The following NFIB variants were observed in gnomAD, a reference collection of about 807,000 sequenced individuals.
NFIB encodes the protein nuclear factor I B, also known as nuclear factor 1 B-type.
NFIB carries 11 observed loss-of-function variants against 61.5 expected under a neutral mutation model. That is an observed-to-expected ratio of 0.18 (90% confidence interval 0.11 to 0.30). NFIB has a LOEUF of 0.30. Ranked by LOEUF, NFIB falls within the 10% of genes least tolerant of loss-of-function variation. The pLI, the probability that NFIB is intolerant of heterozygous loss-of-function variation, is 1.00. For missense variants in NFIB, 471 were observed against 608.9 expected, an observed-to-expected ratio of 0.77 and a Z score of 2.38; for synonymous variants, 260 against 216.5, an observed-to-expected ratio of 1.20 and a Z score of -1.76.
the NFIB span, among the ~76,000 whole-genome samples, chr9:14,472,122 T>A: frequency 6.6e-6 from 1 of 152,208 alleles, no homozygotes; most frequent in Non-Finnish European, 1.5e-5. Context: ...TACCTGTAGA[T>A]CATCAGGTTG....
chr9:14,386,608 AG>A (rs2133017682), intron 1 of NFIB, among the ~76,000 whole-genome samples: 1 of 50,742 alleles, frequency 2.0e-5, no homozygotes, highest in African/African-American at 7.5e-5. Flanking sequence ...AGAGCCTCTT[AG>A]GGGACAAAAT....
At chr9:14,330,840 C>T (rs1360519995) in intron 1 of NFIB, among the ~76,000 whole-genome samples, 2 of 152,112 alleles carry the variant, frequency 1.3e-5, no homozygotes, top group Admixed American at 6.5e-5. Context: ...AATCAGGCTC[C>T]AGGCTCATTC....
Position 14,120,545 on chromosome 9 carries a change from G to A in NFIB, c.1140C>T (p.Ser380=). Residue 380 remains serine (S), a synonymous_variant, in exon 8 of 11, where the codon AGC becomes AGT. Transcript: ENST00000380953. This position sits in a 1 kb window ranked among gnomAD's most constrained non-coding sequence, Gnocchi z 4.4. ...TQAILPPAPS[S]YFSHPTIRYP... ...ATCTGATTGTTGGATGAGAAAAGTA[G>A]CTCGATGGGGCTGGAGGAAGGATAG... is the stretch of plus-strand genomic sequence containing the variant. The A allele has an allele frequency of 3.1e-6, 5 of 1,614,092 alleles. No individual in the cohort carries two copies. Among genetic ancestry groups the A allele is most frequent in the Non-Finnish European group, 4.2e-6 (5 of 1,179,996 alleles).
intron 3 of NFIB, among the ~76,000 whole-genome samples, chr9:14,163,754 A>G (rs903452372): frequency 1.3e-5 from 2 of 152,008 alleles, no homozygotes; most frequent in African/African-American, 4.8e-5. Context: ...TACAAATTAT[A>G]TTTTACTGAT....
chr9:14,268,785 A>T (rs111634244), intron 2 of NFIB, among the ~76,000 whole-genome samples: 2 of 152,352 alleles, frequency 1.3e-5, no homozygotes, highest in African/African-American at 4.8e-5. Context: ...ATTGGTCTTC[A>T]TATTTCTCTA....
At chr9:14,302,297 T>G (rs1421317727) in intron 2 of NFIB, among the ~76,000 whole-genome samples, 3 of 152,206 alleles carry the variant, frequency 2.0e-5, no homozygotes, top group Non-Finnish European at 2.9e-5. Flanking sequence ...TTCTTAGCAT[T>G]TGCTTCCTCA....
At chr9:14,297,025 C>G (rs1355921500) in intron 2 of NFIB, among the ~76,000 whole-genome samples, 1 of 152,228 alleles carries the variant, frequency 6.6e-6, no homozygotes, top group Non-Finnish European at 1.5e-5. Flanking sequence ...CATGCGCACA[C>G]CCCCTGCTCC....
the NFIB span, among the ~76,000 whole-genome samples, chr9:14,520,117 C>T: frequency 6.6e-6 from 1 of 151,814 alleles, no homozygotes; most frequent in Non-Finnish European, 1.5e-5. Flanking sequence ...TTATCTTACA[C>T]TGCACCTAAG....
chr9:14,287,038 G>C (rs2058750926), intron 2 of NFIB, among the ~76,000 whole-genome samples: 1 of 152,144 alleles, frequency 6.6e-6, no homozygotes. Flanking sequence ...TGCCTGAGGA[G>C]ATGGGGAAGT....
intron 3 of NFIB, among the ~76,000 whole-genome samples, chr9:14,156,245 A>G (rs2043388190): frequency 6.6e-6 from 1 of 152,160 alleles, no homozygotes; most frequent in African/African-American, 2.4e-5. Flanking sequence ...GAAAAATGAA[A>G]GAAAGAAAAA....
the NFIB span, among the ~76,000 whole-genome samples, chr9:14,441,205 T>G: frequency 6.8e-6 from 1 of 147,310 alleles, no homozygotes; most frequent in Admixed American, 6.7e-5. Context: ...TAATTGAATG[T>G]AGGATAAACT....
intron 2 of NFIB, among the ~76,000 whole-genome samples, chr9:14,280,135 G>C (rs944565594): frequency 6.6e-6 from 1 of 152,164 alleles, no homozygotes; most frequent in Non-Finnish European, 1.5e-5. Context: ...TGCTAAGGAG[G>C]TTAGTCCTAT....
intron 1 of NFIB, among the ~76,000 whole-genome samples, chr9:14,337,374 G>A (rs1366048624): frequency 1.3e-5 from 2 of 152,124 alleles, no homozygotes; most frequent in Non-Finnish European, 2.9e-5. Flanking sequence ...TCAAAAACAG[G>A]CATACAAAAG....
At chr9:14,476,964 T>G in the NFIB span, among the ~76,000 whole-genome samples, 2 of 152,232 alleles carry the variant, frequency 1.3e-5, no homozygotes, top group Non-Finnish European at 2.9e-5. Context: ...AGCTACTTCT[T>G]ATTATATAAA....
At chr9:14,392,465 G>A (rs995032065) in intron 1 of NFIB, among the ~76,000 whole-genome samples, 1 of 152,160 alleles carries the variant, frequency 6.6e-6, no homozygotes, top group African/African-American at 2.4e-5. Context: ...CAGTGGCTCA[G>A]GCCTATAATC....
chr9:14,516,843 G>A, the NFIB span, among the ~76,000 whole-genome samples: 4 of 152,258 alleles, frequency 2.6e-5, no homozygotes, highest in South Asian at 6.2e-4. Context: ...TTAGTATTAT[G>A]CTAATCTGAG....
chr9:14,348,128 C>A (rs1367853746), intron 1 of NFIB, among the ~76,000 whole-genome samples: 1 of 152,358 alleles, frequency 6.6e-6, no homozygotes, highest in Non-Finnish European at 1.5e-5. Context: ...GTGGTGCGCC[C>A]TCTGGGGCGT....
At chr9:14,266,434 A>C (rs1177018056) in intron 2 of NFIB, among the ~76,000 whole-genome samples, 1 of 152,026 alleles carries the variant, frequency 6.6e-6, no homozygotes, top group African/African-American at 2.4e-5. Flanking sequence ...TCTAGAAAAA[A>C]AAAATTTTTA....
chr9:14,319,886 A>T (rs1241625103), intron 1 of NFIB, among the ~76,000 whole-genome samples: 1 of 152,262 alleles, frequency 6.6e-6, no homozygotes, highest in Non-Finnish European at 1.5e-5. Context: ...AATTTAAGAA[A>T]CAATTTTGTA....
Sources: allele counts gnomAD v4.1 joint callset (sites outside exome capture counted in the v4.1 genomes callset), GRCh38; gene constraint gnomAD v4.1.1; non-coding constraint Gnocchi (gnomAD v3.1); transcripts MANE v1.5; gene names NCBI Gene and HGNC (gene_info 2026-07-23, HGNC 2026-07-21).